The following EFR3A variants were observed in gnomAD, a reference collection of about 807,000 sequenced individuals.
EFR3A encodes EFR3 homolog A, also known as protein EFR3 homolog A.
EFR3A carries 76 observed loss-of-function variants against 104.4 expected under a neutral mutation model. That is an observed-to-expected ratio of 0.73 (90% CI 0.60 to 0.88). The LOEUF (loss-of-function observed/expected upper bound fraction) is 0.88, where lower values mean the gene tolerates loss of function less well. Among genes scored for constraint, EFR3A ranks in the 40% least tolerant of loss-of-function variants. EFR3A has a pLI of 0.00. For missense variants in EFR3A, 985 were observed against 1,012.5 expected (o/e 0.97, Z 0.37); for synonymous variants, 330 against 330.0 (o/e 1.00, Z 0.00).
chr8:131,974,571 G>A (rs987671068), intron 10 of EFR3A, among the ~76,000 whole-genome samples: 1 of 152,110 alleles, frequency 6.6e-6, no homozygotes, highest in Non-Finnish European at 1.5e-5. Context: ...TAATTTTTTG[G>A]TAAGAGTTCT....
intron 1 of EFR3A, among the ~76,000 whole-genome samples, chr8:131,910,969 A>T (rs888639060): frequency 6.6e-6 from 1 of 152,170 alleles, no homozygotes; most frequent in Non-Finnish European, 1.5e-5. Context: ...GAAAGAGTGG[A>T]CCGGAAGATA....
chr8:131,975,929 T>A, intron 10 of EFR3A, 98 bp from the exon 11 acceptor site: 1 of 687,750 alleles, frequency 1.5e-6, no homozygotes, highest in Non-Finnish European at 2.5e-6. Flanking sequence ...TGAGGGATTG[T>A]TTTACCACAT....
At chr8:131,967,784 T>C (rs1819827557) in intron 8 of EFR3A, among the ~76,000 whole-genome samples, 2 of 152,096 alleles carry the variant, frequency 1.3e-5, no homozygotes, top group Admixed American at 1.3e-4. Context: ...TGACACTAGC[T>C]CTTGATTAGA....
At chr8:132,005,164 G>T (rs2130812267) in intron 22 of EFR3A, among the ~76,000 whole-genome samples, 1 of 152,302 alleles carries the variant, frequency 6.6e-6, no homozygotes, top group South Asian at 2.1e-4. Context: ...ATACATGGAA[G>T]TTAGGTAACT....
At chr8:131,924,243 T>A (rs1302615240) in intron 1 of EFR3A, 1 of 243,198 alleles carries the variant, frequency 4.1e-6, no homozygotes, top group Non-Finnish European at 8.8e-6. Flanking sequence ...GAAATAACAT[T>A]AATAAATATC....
intron 4 of EFR3A, among the ~76,000 whole-genome samples, chr8:131,948,086 C>T (rs1818521276): frequency 6.6e-6 from 1 of 152,050 alleles, no homozygotes; most frequent in Non-Finnish European, 1.5e-5. Flanking sequence ...AGGCATTCAA[C>T]CTACATGAAT....
intron 18 of EFR3A, among the ~76,000 whole-genome samples, chr8:131,989,943 A>T (rs1355440061): frequency 6.6e-6 from 1 of 152,210 alleles, no homozygotes; most frequent in East Asian, 1.9e-4. Context: ...AATTCGAATG[A>T]ATAGTGTATG....
chr8:131,916,448 A>T (rs542043775), intron 1 of EFR3A, among the ~76,000 whole-genome samples: 68 of 152,184 alleles, frequency 4.5e-4, no homozygotes, highest in Non-Finnish European at 8.7e-4. Context: ...GACTTTTTGG[A>T]GGAGGAGGAA....
chr8:131,998,439 A>AAG (rs1286538596), intron 19 of EFR3A, among the ~76,000 whole-genome samples: 1 of 151,888 alleles, frequency 6.6e-6, no homozygotes, highest in Admixed American at 6.5e-5. Context: ...TTTAAAAAAA[A>AAG]AGAGAGAGAG....
intron 1 of EFR3A, among the ~76,000 whole-genome samples, chr8:131,909,131 G>A (rs926447663): frequency 4.6e-5 from 7 of 152,236 alleles, no homozygotes; most frequent in Admixed American, 1.3e-4. Flanking sequence ...CTCTTCATCC[G>A]CCTTGCTCCC....
intron 20 of EFR3A, among the ~76,000 whole-genome samples, chr8:132,002,120 A>G (rs1291259131): frequency 6.6e-6 from 1 of 152,206 alleles, no homozygotes; most frequent in Non-Finnish European, 1.5e-5. Context: ...TTCCTTTCCA[A>G]ATTGTGGTAA....
chr8:131,964,047 A>T (rs1819555128), intron 8 of EFR3A, among the ~76,000 whole-genome samples: 1 of 152,190 alleles, frequency 6.6e-6, no homozygotes, highest in Non-Finnish European at 1.5e-5. Flanking sequence ...ACTCTCAATA[A>T]ATTAGGTATT....
chr8:131,904,125 G>A lies in EFR3A; in HGVS notation c.-188G>A. 1 of 582,416 alleles carries A rather than the reference G, an allele frequency of 1.7e-6. No individual in the cohort carries two copies. The highest frequency in any genetic ancestry group is 2.5e-6 in the Non-Finnish European group (1 of 400,022). The allele number at this position is 582,416 out of a possible 1,614,324, so 36.1% of individuals were successfully genotyped here. A position where few individuals can be genotyped will look rare whatever the true frequency, so the allele number is the denominator to read the frequency against. ...GCGCCGCCCGGCGAGGAGTGGGCTG[G>A]CGGCGGTAGCTGTCGCCCGCTTGGT... On this transcript the variant is annotated 5_prime_UTR_variant, in exon 1 of 23. Coordinates refer to ENST00000254624, the MANE Select transcript of EFR3A (RefSeq NM_015137.6).
At chr8:131,936,242 G>A (rs963172381) in intron 1 of EFR3A, among the ~76,000 whole-genome samples, 1 of 152,106 alleles carries the variant, frequency 6.6e-6, no homozygotes, top group African/African-American at 2.4e-5. Flanking sequence ...GGGAGCAAAG[G>A]AGAAGAATTT....
rs570727180 is a variant in EFR3A at position 131,917,033 on chromosome 8, G to A, written c.10+12711G>A. ...TTGTGCAGTTTGCAAGTAGAAATTA[G>A]GGTGGCTCCACATATATAAGCTAAA... On this transcript the variant is annotated intron_variant, in intron 1 of 22. Transcript: ENST00000254624. Among the ~76,000 whole-genome samples, 33 of 152,324 alleles carry A rather than the reference G, an allele frequency of 2.2e-4. No homozygotes were observed. In the South Asian group the frequency reaches 6.8e-3, roughly 32 times the overall value.
chr8:131,972,322 C>G (rs1206790049), intron 10 of EFR3A, among the ~76,000 whole-genome samples: 1 of 147,218 alleles, frequency 6.8e-6, no homozygotes, highest in Non-Finnish European at 1.5e-5. Flanking sequence ...TCTGTACTTT[C>G]TGCCCCAGCC....
intron 1 of EFR3A, among the ~76,000 whole-genome samples, chr8:131,908,474 T>C (rs1046301990): frequency 6.6e-6 from 1 of 152,202 alleles, no homozygotes; most frequent in Non-Finnish European, 1.5e-5. Context: ...TTGCTATTAG[T>C]AATAGGAAGT....
In EFR3A at chr8:131,946,496, G is replaced by T. The variant is rs1274411669; in HGVS notation, c.229G>T (p.Ala77Ser). Residue 77 changes from alanine (A) to serine (S), a missense_variant, in exon 4 of 23, where the codon GCT becomes TCT. Coordinates refer to ENST00000254624, the MANE Select transcript of EFR3A (RefSeq NM_015137.6). ...VRHRSGYVLI[A>S]MEALDQLLMA... ...TCCTACATGTAGGTATGTTTTGATT[G>T]CTATGGAGGCACTGGACCAACTTCT... 1 of 1,597,728 alleles carries T rather than the reference G, an allele frequency of 6.3e-7. No individual in the cohort carries two copies. The highest frequency in any genetic ancestry group is 8.5e-7 in the Non-Finnish European group (1 of 1,172,562).
At position 131,998,290 on chromosome 8, in the gene EFR3A, CTA is replaced by C. The variant is rs1356295024; in HGVS notation, c.2157+1795_2157+1796del. On this transcript the variant is annotated intron_variant, in intron 19 of 22. Coordinates refer to ENST00000254624, the MANE Select transcript of EFR3A (RefSeq NM_015137.6). ...GTTAATGGTGCAGCAGAATATCAAA[CTA>C]TTTTCTTAAAATGAATCAGATAAGA... 2.0e-5 allele frequency among the ~76,000 whole-genome samples: 3 copies of C among 151,994 alleles called. No homozygotes were observed. The East Asian group carries it at 5.8e-4, about 29-fold the overall frequency.
Sources: gnomAD v4.1 joint callset for allele counts (sites outside exome capture counted in the v4.1 genomes callset) on GRCh38, gnomAD v4.1.1 for gene constraint, MANE v1.5 for transcripts, NCBI Gene and HGNC (gene_info 2026-07-23, HGNC 2026-07-21) for gene names.